RNLS: variants seen among roughly 807,000 people sequenced by gnomAD.
RNLS encodes renalase, FAD dependent amine oxidase.
Under a neutral mutation model 39.8 loss-of-function variants are expected in RNLS, and 39 were observed. That is an observed-to-expected ratio of 0.98 (90% CI 0.76 to 1.28). The LOEUF (loss-of-function observed/expected upper bound fraction) is 1.28, where lower values mean the gene tolerates loss of function less well. RNLS is among the 50% of genes most tolerant of loss of function. RNLS has a pLI of 0.00. For synonymous variants in RNLS, 147 were observed against 150.7 expected, an observed-to-expected ratio of 0.98 and a Z score of 0.18; for missense variants, 410 against 413.3, an observed-to-expected ratio of 0.99 and a Z score of 0.07.
chr10:88,570,867 T>C (rs564990544), intron 4 of RNLS, among the ~76,000 whole-genome samples: 1 of 152,292 alleles, frequency 6.6e-6, no homozygotes, highest in East Asian at 1.9e-4. Flanking sequence ...AAGTAAATCC[T>C]GGAGATCCCC....
chr10:88,390,953 C>T (rs1314070777), intron 4 of RNLS, among the ~76,000 whole-genome samples: 2 of 152,142 alleles, frequency 1.3e-5, no homozygotes, highest in Non-Finnish European at 2.9e-5. Context: ...TTAATAGACA[C>T]CTAATTTCCC....
intron 4 of RNLS, among the ~76,000 whole-genome samples, chr10:88,438,479 T>A (rs1841534736): frequency 6.6e-6 from 1 of 152,258 alleles, no homozygotes; most frequent in Non-Finnish European, 1.5e-5. Flanking sequence ...TGTCATTTTT[T>A]GACTGCCCAG....
chr10:88,180,991 A>G, the RNLS span, among the ~76,000 whole-genome samples: 1 of 152,144 alleles, frequency 6.6e-6, no homozygotes, highest in Non-Finnish European at 1.5e-5. Flanking sequence ...CCCTATTGTG[A>G]TAGGTCCCCA....
intron 5 of RNLS, among the ~76,000 whole-genome samples, chr10:88,349,358 C>T (rs1848519034): frequency 6.6e-6 from 1 of 152,114 alleles, no homozygotes; most frequent in African/African-American, 2.4e-5. Flanking sequence ...GATAACTTGA[C>T]AGGGAAACTA....
chr10:88,280,763 C>A (rs1466084975), downstream of RNLS, among the ~76,000 whole-genome samples: 2 of 152,170 alleles, frequency 1.3e-5, no homozygotes, highest in Non-Finnish European at 2.9e-5. Flanking sequence ...ATTCTATGTG[C>A]TCATATGCAT....
At chr10:88,535,695 C>T (rs1847715996) in intron 4 of RNLS, among the ~76,000 whole-genome samples, 1 of 151,852 alleles carries the variant, frequency 6.6e-6, no homozygotes, top group African/African-American at 2.4e-5. Flanking sequence ...AGGGGAAATA[C>T]AAAATGAGAG....
At chr10:88,229,060 A>G in the RNLS span, among the ~76,000 whole-genome samples, 1 of 152,196 alleles carries the variant, frequency 6.6e-6, no homozygotes, top group Non-Finnish European at 1.5e-5. Flanking sequence ...CAGATCTAGA[A>G]TTACACCTCT....
chr10:88,274,985 C>A, exon 7 of RNLS: 1 of 1,613,432 alleles, frequency 6.2e-7, no homozygotes, highest in East Asian at 2.2e-5. Context: ...CAATCGCCAT[C>A]ATCCAGGGGC....
intron 4 of RNLS, among the ~76,000 whole-genome samples, chr10:88,489,759 T>C (rs909386254): frequency 6.6e-6 from 1 of 152,208 alleles, no homozygotes; most frequent in Admixed American, 6.6e-5. Flanking sequence ...GCTCAGTTCA[T>C]CATCTGAGAT....
intron 6 of RNLS, among the ~76,000 whole-genome samples, chr10:88,311,440 C>G (rs926321171): frequency 6.6e-6 from 1 of 152,182 alleles, no homozygotes; most frequent in Non-Finnish European, 1.5e-5. Context: ...AGGCAAATAG[C>G]TGCAAAAGGG....
At chr10:88,216,241 C>T in the RNLS span, among the ~76,000 whole-genome samples, 1 of 152,166 alleles carries the variant, frequency 6.6e-6, no homozygotes, top group African/African-American at 2.4e-5. Flanking sequence ...GCTACAGAAG[C>T]TCTTCCAGGA....
intron 6 of RNLS, among the ~76,000 whole-genome samples, chr10:88,294,414 A>G (rs921567865): frequency 2.6e-5 from 4 of 152,170 alleles, no homozygotes; most frequent in Non-Finnish European, 5.9e-5. Flanking sequence ...TAATATAAGA[A>G]AGGAAGGGCT....
At chr10:88,463,691 C>T (rs1430441302) in intron 4 of RNLS, among the ~76,000 whole-genome samples, 1 of 152,008 alleles carries the variant, frequency 6.6e-6, no homozygotes, top group African/African-American at 2.4e-5. Flanking sequence ...TATGTAGTAA[C>T]TCAGGGCATT....
intron 4 of RNLS, among the ~76,000 whole-genome samples, chr10:88,456,740 T>C (rs996268073): frequency 1.3e-5 from 2 of 152,146 alleles, no homozygotes; most frequent in Admixed American, 1.3e-4. Context: ...ATTGTCTCAT[T>C]ATTCTTAAAT....
the RNLS span, among the ~76,000 whole-genome samples, chr10:88,245,379 T>C: frequency 6.6e-6 from 1 of 152,158 alleles, no homozygotes; most frequent in African/African-American, 2.4e-5. Flanking sequence ...GGCAGAATGA[T>C]CTCAGGCAAA....
intron 4 of RNLS, among the ~76,000 whole-genome samples, chr10:88,509,177 G>C (rs1369070923): frequency 6.6e-6 from 1 of 152,054 alleles, no homozygotes. Context: ...TAAAAACCTA[G>C]ATGGACTCAT....
intron 4 of RNLS, among the ~76,000 whole-genome samples, chr10:88,378,994 T>C (rs1419540749): frequency 6.6e-6 from 1 of 152,214 alleles, no homozygotes; most frequent in African/African-American, 2.4e-5. Context: ...ATGTACTGTA[T>C]ATATTTGTAT....
At chr10:88,308,185 A>G (rs982521092) in intron 6 of RNLS, among the ~76,000 whole-genome samples, 1 of 152,222 alleles carries the variant, frequency 6.6e-6, no homozygotes, top group Non-Finnish European at 1.5e-5. Flanking sequence ...CTGGAAGACA[A>G]CCTAGGCAAT....
intron 3 of RNLS, among the ~76,000 whole-genome samples, chr10:88,581,244 ATTT>A (rs1850518459): frequency 6.7e-6 from 1 of 150,036 alleles, no homozygotes; most frequent in Admixed American, 6.7e-5. Context: ...TCCCTTTTAT[ATTT>A]TTAAAAGAAT....
Sources: gnomAD v4.1 joint callset for allele counts (sites outside exome capture counted in the v4.1 genomes callset) on GRCh38, gnomAD v4.1.1 for gene constraint, MANE v1.5 for transcripts, NCBI Gene and HGNC (gene_info 2026-07-23, HGNC 2026-07-21) for gene names.